AMBRA1: variants seen among roughly 807,000 people sequenced by gnomAD.
AMBRA1 encodes the protein activating molecule in BECN1-regulated autophagy protein 1.
A neutral mutation model predicts 125.4 loss-of-function variants in AMBRA1; 47 were observed. The ratio of observed to expected loss-of-function variants is 0.37; its 90% confidence interval spans 0.30 to 0.48. The LOEUF (loss-of-function observed/expected upper bound fraction) is 0.48. Among genes scored for constraint, AMBRA1 ranks in the 20% least tolerant of loss-of-function variants. AMBRA1 has a pLI of 0.99. For synonymous variants in AMBRA1, 626 were observed against 655.5 expected, an observed-to-expected ratio of 0.95 and a Z score of 0.69; for missense variants, 1,331 against 1,693.4, an observed-to-expected ratio of 0.79 and a Z score of 3.76.
chr11:46,585,552 G>A (rs1208809860), intron 1 of AMBRA1, among the ~76,000 whole-genome samples: 14 of 141,778 alleles, frequency 9.9e-5, no homozygotes, highest in East Asian at 2.1e-4. Context: ...TGTAGTCCCA[G>A]CTACTCAGGA....
chr11:46,528,914 G>A (rs575957469), intron 7 of AMBRA1, among the ~76,000 whole-genome samples: 1 of 152,222 alleles, frequency 6.6e-6, no homozygotes, highest in African/African-American at 2.4e-5. Context: ...TCTGTGTAGG[G>A]GAGGAAAAAA....
rs1952877076 is a variant in AMBRA1, at chr11:46,543,989, G to C, written c.604C>G (p.Pro202Ala). ...GACTAACTTACCTGTTGATTAGAGGGGTTAACAATTGCTGTGAGTAAGTAG... is the reference window on the plus strand; with the variant it reads ...GACTAACTTACCTGTTGATTAGAGGCGTTAACAATTGCTGTGAGTAAGTAG... ...GHYLLTAIVN[P>A]SNQQGDDEPE... Residue 202 changes from proline (P) to alanine (A), a missense_variant, in exon 6 of 18, where the codon CCC (proline) becomes GCC (alanine). Pro to Ala is a conservative substitution (Grantham distance 27). Coordinates refer to ENST00000683756, the MANE Select transcript of AMBRA1 (RefSeq NM_001387011.1). The C allele has an allele frequency of 1.2e-6, 2 of 1,613,636 alleles. No individual in the cohort carries two copies. The highest frequency in any genetic ancestry group is 1.3e-5 in the African/African-American group (1 of 74,894).
intron 11 of AMBRA1, among the ~76,000 whole-genome samples, chr11:46,492,491 T>G (rs994039169): frequency 1.3e-5 from 2 of 152,236 alleles, no homozygotes; most frequent in Non-Finnish European, 2.9e-5. Flanking sequence ...ATAAAGATGC[T>G]TATTAAAGAT....
At chr11:46,548,553 T>TAG in intron 1 of AMBRA1, 53 bp from the exon 2 acceptor site, 1 of 680,992 alleles carries the variant, frequency 1.5e-6, no homozygotes, top group Non-Finnish European at 2.4e-6. Context: ...GAGAAGCTTC[T>TAG]AATTGCAAAT....
rs2044696252 is a variant in AMBRA1, at chr11:46,593,916, G to C, written c.-209C>G. The C allele has an allele frequency of 5.0e-6, 2 of 398,626 alleles. No homozygotes were observed. Among genetic ancestry groups the C allele is most frequent in the Non-Finnish European group, 8.8e-6 (2 of 226,108 alleles). 24.7% of individuals were successfully genotyped at this position (398,626 alleles called of 1,614,324 possible). A position where few individuals can be genotyped will look rare whatever the true frequency, so the allele number is the denominator to read the frequency against. On this transcript the variant is annotated 5_prime_UTR_variant, in exon 1 of 18. Coordinates refer to ENST00000683756, the MANE Select transcript of AMBRA1 (RefSeq NM_001387011.1). ...AAGAGGAGACAGGAATAAAGGAAGG[G>C]GTCCGTTCTACCGACCGGCAGGAGA...
intron 11 of AMBRA1, among the ~76,000 whole-genome samples, chr11:46,466,801 G>A (rs1233305185): frequency 6.6e-6 from 1 of 152,052 alleles, no homozygotes; most frequent in Non-Finnish European, 1.5e-5. Flanking sequence ...CCAGCCCCAT[G>A]ACCCACCCTC....
chr11:46,445,397 A>C (rs1423575270), intron 11 of AMBRA1, among the ~76,000 whole-genome samples: 1 of 152,116 alleles, frequency 6.6e-6, no homozygotes, highest in Non-Finnish European at 1.5e-5. Flanking sequence ...CACTGACCTC[A>C]AATCTCTATT....
At chr11:46,495,511 C>T (rs1429393985) in intron 9 of AMBRA1, 2 of 152,118 alleles carry the variant, frequency 1.3e-5, no homozygotes, top group East Asian at 3.8e-4. Context: ...AAAGAGAAAG[C>T]GTACACTGTG....
At chr11:46,406,956 G>A (rs1328506293) in intron 17 of AMBRA1, among the ~76,000 whole-genome samples, 5 of 150,410 alleles carry the variant, frequency 3.3e-5, no homozygotes, top group Non-Finnish European at 5.9e-5. Flanking sequence ...CGAGGTAGGC[G>A]GATCACGAGG....
chr11:46,438,178 G>A (rs1947819598), intron 12 of AMBRA1, among the ~76,000 whole-genome samples: 1 of 152,162 alleles, frequency 6.6e-6, no homozygotes, highest in African/African-American at 2.4e-5. Context: ...GTGAAGAATG[G>A]AAATAAAGAT....
At chr11:46,505,710 G>T (rs183284319) in intron 9 of AMBRA1, among the ~76,000 whole-genome samples, 3 of 151,622 alleles carry the variant, frequency 2.0e-5, no homozygotes, top group African/African-American at 7.3e-5. Flanking sequence ...GCTGGGGGGA[G>T]CATAAGGAGG....
At chr11:46,456,178 AG>A (rs576530811) in intron 11 of AMBRA1, among the ~76,000 whole-genome samples, 310 of 152,350 alleles carry the variant, frequency 2.0e-3, no homozygotes, top group Non-Finnish European at 3.5e-3. Context: ...AAAGATTACT[AG>A]GAACAGTATT....
intron 9 of AMBRA1, among the ~76,000 whole-genome samples, chr11:46,499,812 C>A (rs138857882): frequency 6.6e-6 from 1 of 152,088 alleles, no homozygotes; most frequent in Non-Finnish European, 1.5e-5. Context: ...CCCGCCACCA[C>A]GCCCAGCTAA....
chr11:46,578,313 C>T (rs1011003557), intron 1 of AMBRA1, among the ~76,000 whole-genome samples: 2 of 151,250 alleles, frequency 1.3e-5, no homozygotes, highest in Middle Eastern at 3.4e-3. Flanking sequence ...ATGGAGAAAC[C>T]CTGTCTCCAC....
At chr11:46,520,688 C>G (rs1356748418) in intron 7 of AMBRA1, among the ~76,000 whole-genome samples, 5 of 151,616 alleles carry the variant, frequency 3.3e-5, no homozygotes, top group African/African-American at 1.2e-4. Flanking sequence ...CTCTGCCTCC[C>G]GGGTTCACGC....
chr11:46,417,845 G>A (rs1946612466), intron 15 of AMBRA1, 68 bp downstream of exon 15: 5 of 1,486,066 alleles, frequency 3.4e-6, no homozygotes. Flanking sequence ...GACCCCAGTT[G>A]GTGAATACTG....
At chr11:46,583,650 T>TA (rs778225205) in intron 1 of AMBRA1, among the ~76,000 whole-genome samples, 3,098 of 17,994 alleles carry the variant, frequency 0.17, 1,109 homozygotes, top group East Asian at 0.54. Flanking sequence ...CAAACAAATT[T>TA]CCAAAAAAAA....
In AMBRA1 at chr11:46,541,931, A is replaced by G; in HGVS notation, c.2072+14T>C. Reference sequence around the variant, plus strand: ...AAAGCAAGGGATGCAGAAGATAGGAAAGCGACTGCTTACCTCCTGAGTGAA... The same window carrying G: ...AAAGCAAGGGATGCAGAAGATAGGAGAGCGACTGCTTACCTCCTGAGTGAA... On this transcript the variant is annotated intron_variant, in intron 7 of 17. Coordinates refer to ENST00000683756, the MANE Select transcript of AMBRA1 (RefSeq NM_001387011.1). 6.3e-7 allele frequency: 1 copy of G among 1,598,620 alleles called. No homozygotes were observed. Among genetic ancestry groups the G allele is most frequent in the Non-Finnish European group, 8.5e-7 (1 of 1,176,356 alleles).
chr11:46,408,851 T>C (rs1269948688), intron 16 of AMBRA1, 145 bp from the exon 17 acceptor site: 2 of 655,898 alleles, frequency 3.0e-6, no homozygotes, highest in African/African-American at 1.9e-5. Context: ...CAACTACATC[T>C]TGATGGTGGT....
Sources: gnomAD v4.1 joint callset for allele counts (sites outside exome capture counted in the v4.1 genomes callset) on GRCh38, gnomAD v4.1.1 for gene constraint, MANE v1.5 for transcripts, NCBI Gene and HGNC (gene_info 2026-07-23, HGNC 2026-07-21) for gene names.